STXBP6: variants seen among roughly 807,000 people sequenced by gnomAD.
STXBP6 encodes the protein syntaxin-binding protein 6.
A neutral mutation model predicts 26.9 loss-of-function variants in STXBP6; 21 were observed. The observed-to-expected ratio is 0.78, with a 90% CI of 0.55 to 1.12. The LOEUF is 1.12. Ranked by LOEUF, STXBP6 falls within the 50% of genes most tolerant of loss-of-function variation. The pLI, the probability that STXBP6 is intolerant of heterozygous loss-of-function variation, is 0.00. For synonymous variants in STXBP6, 97 were observed against 92.6 expected (o/e 1.05, Z -0.27); for missense variants, 232 against 257.9 (o/e 0.90, Z 0.69).
At chr14:24,907,123 T>A (rs1399435913) in intron 2 of STXBP6, among the ~76,000 whole-genome samples, 1 of 152,110 alleles carries the variant, frequency 6.6e-6, no homozygotes, top group Non-Finnish European at 1.5e-5. Context: ...TGACTATAGA[T>A]GTCAATAATT....
At chr14:24,904,566 G>C (rs764174572) in intron 2 of STXBP6, among the ~76,000 whole-genome samples, 2 of 152,182 alleles carry the variant, frequency 1.3e-5, no homozygotes, top group Non-Finnish European at 2.9e-5. Flanking sequence ...TTTGGAGATA[G>C]GGCCTTTAAA....
chr14:24,906,677 G>T (rs1181393252), intron 2 of STXBP6, among the ~76,000 whole-genome samples: 1 of 152,148 alleles, frequency 6.6e-6, no homozygotes, highest in Non-Finnish European at 1.5e-5. Flanking sequence ...GTGCTGAATT[G>T]CAAGTTGTCC....
chr14:25,021,344 T>C (rs1209542631), intron 1 of STXBP6, among the ~76,000 whole-genome samples: 2 of 152,156 alleles, frequency 1.3e-5, no homozygotes, highest in Non-Finnish European at 2.9e-5. Flanking sequence ...ATTTCTCCCT[T>C]TCAACTAGAT....
At chr14:24,879,711 C>T (rs576643169) in intron 2 of STXBP6, among the ~76,000 whole-genome samples, 2 of 147,672 alleles carry the variant, frequency 1.4e-5, no homozygotes, top group Non-Finnish European at 1.5e-5. Context: ...TGCCTTTCCA[C>T]GTCGCCTTTC....
chr14:24,818,235 A>G (rs2068037365), intron 5 of STXBP6: 1 of 432,000 alleles, frequency 2.3e-6, no homozygotes, highest in Non-Finnish European at 4.6e-6. Flanking sequence ...TTTGATCTGA[A>G]GCACAACAAC....
intron 2 of STXBP6, among the ~76,000 whole-genome samples, chr14:24,947,196 A>C (rs2140029985): frequency 6.8e-6 from 1 of 147,676 alleles, no homozygotes; most frequent in Non-Finnish European, 1.5e-5. Context: ...ATATTAATAG[A>C]GAGCTCCATA....
intron 2 of STXBP6, among the ~76,000 whole-genome samples, chr14:24,960,963 T>G (rs1313275063): frequency 1.3e-5 from 2 of 152,236 alleles, no homozygotes; most frequent in Non-Finnish European, 2.9e-5. Context: ...TTTGCCTGAC[T>G]GTAGTGATTC....
intron 4 of STXBP6, among the ~76,000 whole-genome samples, chr14:24,821,627 C>G (rs991858698): frequency 2.0e-5 from 3 of 152,154 alleles, no homozygotes; most frequent in Non-Finnish European, 4.4e-5. Flanking sequence ...CAATTCTACC[C>G]ACATTTTAGG....
chr14:25,045,034 A>C (rs752718939), intron 1 of STXBP6, among the ~76,000 whole-genome samples: 3 of 152,228 alleles, frequency 2.0e-5, no homozygotes, highest in Non-Finnish European at 4.4e-5. Context: ...GAGTTAATTA[A>C]TTAATAGCCA....
At chr14:24,831,876 G>T (rs1346381614) in intron 4 of STXBP6, among the ~76,000 whole-genome samples, 1 of 152,064 alleles carries the variant, frequency 6.6e-6, no homozygotes, top group East Asian at 1.9e-4. Flanking sequence ...CAAGTTCCTC[G>T]ACAGAAAACT....
chr14:24,895,356 A>G (rs1242349391), intron 2 of STXBP6, among the ~76,000 whole-genome samples: 1 of 152,208 alleles, frequency 6.6e-6, no homozygotes, highest in Non-Finnish European at 1.5e-5. Flanking sequence ...TTTAAATGCA[A>G]TGTGCTTACA....
chr14:24,832,384 C>A (rs1428298372), intron 4 of STXBP6, among the ~76,000 whole-genome samples: 1 of 152,126 alleles, frequency 6.6e-6, no homozygotes, highest in Non-Finnish European at 1.5e-5. Context: ...AAATTGAGAA[C>A]CTCACCTCAT....
chr14:24,926,883 G>T (rs2072192285), intron 2 of STXBP6, among the ~76,000 whole-genome samples: 1 of 152,030 alleles, frequency 6.6e-6, no homozygotes, highest in Admixed American at 6.5e-5. Flanking sequence ...GCAACACTTA[G>T]AATTATACCT....
intron 4 of STXBP6, among the ~76,000 whole-genome samples, chr14:24,842,422 A>G (rs1223147384): frequency 6.6e-6 from 1 of 152,140 alleles, no homozygotes; most frequent in East Asian, 1.9e-4. Flanking sequence ...TTGCTTTGTG[A>G]TTCTGTTATG....
chr14:24,819,019 G>A lies in STXBP6; in HGVS notation c.609+18C>T. 6.4e-7 allele frequency: 1 copy of A among 1,557,686 alleles called. No homozygotes were observed. The highest frequency in any genetic ancestry group is 8.7e-7 in the Non-Finnish European group (1 of 1,149,508). On this transcript the variant is annotated intron_variant, in intron 5 of 5. Coordinates refer to ENST00000323944, the MANE Select transcript of STXBP6 (RefSeq NM_001394410.1). Reference sequence around the variant, plus strand: ...CCAACACCCCAGAGCTGAGAAGCCTGCTCCTCTCTTGGCCCACCTTGTGCG... The same window carrying A: ...CCAACACCCCAGAGCTGAGAAGCCTACTCCTCTCTTGGCCCACCTTGTGCG...
chr14:24,809,725 G>A lies in STXBP6; in HGVS notation c.*2984C>T, dbSNP rs1425172758. ...GTAATAGTGAATCAATAGAGCAGGT[G>A]TTACTTATCTCTGAATTAAACAAAA... On this transcript the variant is annotated 3_prime_UTR_variant, in exon 6 of 6. Transcript: ENST00000323944. 1 of 152,166 alleles carries A rather than the reference G, an allele frequency of 6.6e-6. No individual in the cohort carries two copies. The highest frequency in any genetic ancestry group is 2.4e-5 in the African/African-American group (1 of 41,458). The allele number at this position is 152,166 out of a possible 1,614,324, so 9.4% of individuals were successfully genotyped here.
intron 2 of STXBP6, among the ~76,000 whole-genome samples, chr14:24,887,578 C>A (rs1410355971): frequency 6.6e-6 from 1 of 152,050 alleles, no homozygotes; most frequent in East Asian, 1.9e-4. Flanking sequence ...GCTGTAGGCA[C>A]CAGGGATGAA....
chr14:25,049,359 C>A lies in STXBP6; in HGVS notation c.-33+519G>T, dbSNP rs2075771189. ...CGCCCTGGGGGCAGGGTGCCGTGCC[C>A]GCCAGAAAAGCTCGCCTCAGTTTTG... is the stretch of plus-strand genomic sequence containing the variant. On this transcript the variant is annotated intron_variant, in intron 1 of 5. Transcript: ENST00000323944. The surrounding 1 kb of genome is among the most constrained non-coding windows in gnomAD (Gnocchi z 5.6). 3 of 985,250 alleles carry A rather than the reference C, an allele frequency of 3.0e-6. No homozygotes were observed. The highest frequency in any genetic ancestry group is 1.2e-6 in the Non-Finnish European group (1 of 829,942). The allele number at this position is 985,250 out of a possible 1,614,324, so 61.0% of individuals were successfully genotyped here.
At position 24,899,812 on chromosome 14, in the gene STXBP6, A is replaced by AAG. The variant is rs1566458120; in HGVS notation, c.155-42656_155-42655insCT. Reference sequence around the variant, plus strand: ...AAAAAAAAAAAAAGCAAAAAAAAAAAAAAAGAGTAACTTACTCAGATATCA... The same window carrying AAG: ...AAAAAAAAAAAAAGCAAAAAAAAAAAAGAAAAGAGTAACTTACTCAGATATCA... On this transcript the variant is annotated intron_variant, in intron 2 of 5. Transcript: ENST00000323944. 9.4e-4 allele frequency among the ~76,000 whole-genome samples: 136 copies of AAG among 144,594 alleles called. 1 individual carries two copies. The highest frequency in any genetic ancestry group is 7.5e-3 in the Middle Eastern group (2 of 268). The allele number at this position is 144,594 out of a possible 152,430, so 94.9% of individuals were successfully genotyped here. A position where few individuals can be genotyped will look rare whatever the true frequency, so the allele number is the denominator to read the frequency against.
Sources: allele counts gnomAD v4.1 joint callset (sites outside exome capture counted in the v4.1 genomes callset), GRCh38; gene constraint gnomAD v4.1.1; non-coding constraint Gnocchi (gnomAD v3.1); transcripts MANE v1.5; gene names NCBI Gene and HGNC (gene_info 2026-07-23, HGNC 2026-07-21).